HTR2C: variants seen among roughly 807,000 people sequenced by gnomAD.
The protein encoded by HTR2C is 5-hydroxytryptamine receptor 2C.
In HTR2C, 5 loss-of-function variants were observed where a neutral mutation model predicts 21.0. The ratio of observed to expected loss-of-function variants is 0.24; its 90% CI spans 0.12 to 0.50. The LOEUF (loss-of-function observed/expected upper bound fraction) is 0.50. HTR2C is among the 20% of genes least tolerant of loss of function. The pLI, the probability that HTR2C is intolerant of heterozygous loss-of-function variation, is 0.98. For synonymous variants in HTR2C, 150 were observed against 145.3 expected (o/e 1.03, Z -0.23); for missense variants, 271 against 371.2 (o/e 0.73, Z 2.22).
chrX:114,853,537 A>G (rs782095464), intron 5 of HTR2C, among the ~76,000 whole-genome samples: 1 of 111,738 alleles, frequency 8.9e-6, no homozygotes, highest in East Asian at 2.8e-4. Flanking sequence ...TGACATACAC[A>G]TTCAATTTTA....
At chrX:114,796,451 C>T (rs1449708713) in intron 4 of HTR2C, among the ~76,000 whole-genome samples, 13 of 111,445 alleles carry the variant, frequency 1.2e-4, no homozygotes, top group Admixed American at 1.1e-3. Flanking sequence ...AAAGGATCTG[C>T]ATTTGACACT....
chrX:114,652,392 C>T (rs1369799005), intron 2 of HTR2C, among the ~76,000 whole-genome samples: 1 of 110,191 alleles, frequency 9.1e-6, no homozygotes, highest in Admixed American at 9.8e-5. Flanking sequence ...TTTAGAAGTA[C>T]TTGTTAAGAG....
intron 2 of HTR2C, among the ~76,000 whole-genome samples, chrX:114,698,456 ACAAACACACACACACACAAACAC>A (rs1932350130): frequency 3.2e-5 from 1 of 31,642 alleles, no homozygotes; most frequent in African/African-American, 8.5e-5. Context: ...ACACACACAC[ACAAACACACACACACACAAACAC>A]GCACACACAC....
At chrX:114,873,984 C>T (rs2071112178) in intron 5 of HTR2C, among the ~76,000 whole-genome samples, 1 of 110,466 alleles carries the variant, frequency 9.1e-6, no homozygotes, top group Admixed American at 9.7e-5. Context: ...TCTCTGCTCC[C>T]GTGAGTTACA....
chrX:114,738,537 A>C (rs1459217313), intron 4 of HTR2C, among the ~76,000 whole-genome samples: 1 of 108,521 alleles, frequency 9.2e-6, no homozygotes, highest in Non-Finnish European at 1.9e-5. Flanking sequence ...TAACACAGGA[A>C]CAGAAAACCA....
intron 3 of HTR2C, 123 bp from the exon 4 acceptor site, chrX:114,731,171 A>G: frequency 2.1e-6 from 1 of 471,216 alleles, no homozygotes. Flanking sequence ...GATGATGACA[A>G]TGATGCTGAT....
chrX:114,668,874 G>T (rs1931267398), intron 2 of HTR2C, among the ~76,000 whole-genome samples: 1 of 110,693 alleles, frequency 9.0e-6, no homozygotes, highest in African/African-American at 3.3e-5. Flanking sequence ...ACTAAAATGT[G>T]TGCGTATGTA....
At chrX:114,678,785 C>T (rs886544601) in intron 2 of HTR2C, among the ~76,000 whole-genome samples, 3 of 111,094 alleles carry the variant, frequency 2.7e-5, no homozygotes, top group Non-Finnish European at 5.7e-5. Flanking sequence ...CAGTTTCTCA[C>T]GGATTGCTTT....
intron 4 of HTR2C, among the ~76,000 whole-genome samples, chrX:114,741,009 A>T (rs943200991): frequency 9.0e-6 from 1 of 111,469 alleles, no homozygotes; most frequent in Non-Finnish European, 1.9e-5. Flanking sequence ...AATATTCATG[A>T]TATCCGTGTA....
chrX:114,811,754 C>T (rs1434679514), intron 4 of HTR2C, among the ~76,000 whole-genome samples: 4 of 112,019 alleles, frequency 3.6e-5, no homozygotes, highest in Non-Finnish European at 3.8e-5. Context: ...GAAAATTCTT[C>T]GTGGGAAACT....
At chrX:114,724,987 G>T (rs1276904050) in intron 2 of HTR2C, among the ~76,000 whole-genome samples, 1 of 110,380 alleles carries the variant, frequency 9.1e-6, no homozygotes, top group African/African-American at 3.3e-5. Flanking sequence ...TCTGACAAGT[G>T]TGTGTCTTAG....
chrX:114,829,990 A>C (rs1180414587), intron 4 of HTR2C, among the ~76,000 whole-genome samples: 1 of 111,675 alleles, frequency 9.0e-6, no homozygotes, highest in Non-Finnish European at 1.9e-5. Flanking sequence ...TTTTAGGATT[A>C]GCATTTCCAT....
At chrX:114,685,071 C>T (rs782239165) in intron 2 of HTR2C, among the ~76,000 whole-genome samples, 21 of 110,644 alleles carry the variant, frequency 1.9e-4, no homozygotes, top group African/African-American at 6.5e-4. Flanking sequence ...ATTTTAGTGA[C>T]CTTCAAATTT....
intron 2 of HTR2C, among the ~76,000 whole-genome samples, chrX:114,688,713 T>C (rs1331041005): frequency 8.9e-6 from 1 of 111,832 alleles, no homozygotes; most frequent in Non-Finnish European, 1.9e-5. Flanking sequence ...AGTAAGTAAA[T>C]AGGCGTTTTG....
chrX:114,603,915 G>T (rs1182133903), intron 1 of HTR2C, among the ~76,000 whole-genome samples: 1 of 103,089 alleles, frequency 9.7e-6, no homozygotes, highest in Non-Finnish European at 2.0e-5. Flanking sequence ...AACTTGTAAG[G>T]CTTGTCTGGT....
At chrX:114,743,635 A>C (rs1466968956) in intron 4 of HTR2C, among the ~76,000 whole-genome samples, 1 of 111,735 alleles carries the variant, frequency 8.9e-6, no homozygotes, top group East Asian at 2.8e-4. Flanking sequence ...GCCAAATTAC[A>C]GAAAATTTGT....
At chrX:114,877,108 T>C (rs188842894) in intron 5 of HTR2C, among the ~76,000 whole-genome samples, 1 of 111,348 alleles carries the variant, frequency 9.0e-6, no homozygotes, top group East Asian at 2.8e-4. Context: ...TTCTGATTAC[T>C]GTTTAATCTC....
intron 2 of HTR2C, among the ~76,000 whole-genome samples, chrX:114,629,567 T>C (rs1556403721): frequency 8.9e-6 from 1 of 112,369 alleles, no homozygotes; most frequent in African/African-American, 3.2e-5. Context: ...CTGGATCTCT[T>C]ACACATTGCT....
chrX:114,590,916 T>G (rs1254540528), intron 1 of HTR2C, among the ~76,000 whole-genome samples: 1 of 111,881 alleles, frequency 8.9e-6, no homozygotes, highest in South Asian at 3.7e-4. Context: ...TATGGGTTGA[T>G]GGCTCAGAAA....
Sources: gnomAD v4.1 joint callset for allele counts (sites outside exome capture counted in the v4.1 genomes callset) on GRCh38, gnomAD v4.1.1 for gene constraint, MANE v1.5 for transcripts, NCBI Gene and HGNC (gene_info 2026-07-23, HGNC 2026-07-21) for gene names.